CADPS2: variants seen among roughly 807,000 people sequenced by gnomAD.
The protein encoded by CADPS2 is calcium dependent secretion activator 2, also known as calcium-dependent secretion activator 2.
A neutral mutation model predicts 172.5 loss-of-function variants in CADPS2; 93 were observed. That is an observed-to-expected ratio of 0.54 (90% CI 0.46 to 0.64). The LOEUF (loss-of-function observed/expected upper bound fraction) is 0.64, where lower values mean the gene tolerates loss of function less well. Ranked by LOEUF, CADPS2 falls within the 30% of genes least tolerant of loss-of-function variation. CADPS2 has a pLI of 0.00. For synonymous variants in CADPS2, 546 were observed against 555.2 expected (o/e 0.98, Z 0.23); for missense variants, 1,420 against 1,565.9 (o/e 0.91, Z 1.57).
chr7:122,786,597 C>T (rs1794093589), intron 1 of CADPS2, among the ~76,000 whole-genome samples: 1 of 152,130 alleles, frequency 6.6e-6, no homozygotes, highest in Admixed American at 6.5e-5. Context: ...ATATATGGCA[C>T]AACCTTTGTG....
chr7:122,777,726 T>C (rs1480539825), intron 1 of CADPS2, among the ~76,000 whole-genome samples: 1 of 151,966 alleles, frequency 6.6e-6, no homozygotes, highest in African/African-American at 2.4e-5. Context: ...TGCAGCCACC[T>C]TGAGAAGAAG....
At chr7:122,878,957 CG>C (rs1822096725) in intron 1 of CADPS2, among the ~76,000 whole-genome samples, 1 of 152,054 alleles carries the variant, frequency 6.6e-6, no homozygotes. Context: ...GGCTGCAGGC[CG>C]GGCATCTTGA....
At chr7:122,366,634 CACACACACACACATAT>C (rs1366600839) in intron 25 of CADPS2, 4 of 144,628 alleles carry the variant, frequency 2.8e-5, no homozygotes, top group African/African-American at 1.1e-4. Context: ...CACACACACA[CACACACACACACATAT>C]ATATACATAC....
At chr7:122,751,477 T>C (rs534209436) in intron 1 of CADPS2, among the ~76,000 whole-genome samples, 1 of 152,250 alleles carries the variant, frequency 6.6e-6, no homozygotes, top group African/African-American at 2.4e-5. Context: ...TCCAGGACAA[T>C]TCTCCCTCAC....
In CADPS2 at chr7:122,441,525, G is replaced by A; in HGVS notation, c.2339C>T (p.Ser780Leu). Reference sequence around the variant, plus strand: ...GTTCAAACATACCCTTTCAAGTAATGAAAGTGTAGCTTTTAGAGCACCTTC... The same window carrying A: ...GTTCAAACATACCCTTTCAAGTAATAAAAGTGTAGCTTTTAGAGCACCTTC... ...RPEGALKATL[S>L]LLERVLMKDI... The change falls in exon 16 of 30, where the codon TCA (serine) becomes TTA (leucine). Residue 780 changes from serine (S) to leucine (L), a missense_variant. By Grantham distance (145) the Ser-to-Leu change is moderately radical. Transcript: ENST00000449022. 6.5e-7 allele frequency: 1 copy of A among 1,531,132 alleles called. No homozygotes were observed. The highest frequency in any genetic ancestry group is 8.8e-7 in the Non-Finnish European group (1 of 1,139,198). 94.8% of individuals were successfully genotyped at this position (1,531,132 alleles called of 1,614,324 possible).
intron 3 of CADPS2, among the ~76,000 whole-genome samples, chr7:122,640,549 A>G (rs1025938315): frequency 6.6e-6 from 1 of 152,102 alleles, no homozygotes. Flanking sequence ...AAATAAATAA[A>G]AGCCTGAATG....
intron 1 of CADPS2, among the ~76,000 whole-genome samples, chr7:122,885,050 G>A (rs980156639): frequency 1.3e-5 from 2 of 152,200 alleles, no homozygotes; most frequent in Non-Finnish European, 2.9e-5. Context: ...GTCACAAACT[G>A]AGGGAACTGT....
intron 6 of CADPS2, among the ~76,000 whole-genome samples, chr7:122,605,070 G>A (rs1441152452): frequency 6.6e-6 from 1 of 152,100 alleles, no homozygotes; most frequent in Non-Finnish European, 1.5e-5. Context: ...ACAAAGGTAA[G>A]TATGTGTATT....
intron 1 of CADPS2, among the ~76,000 whole-genome samples, chr7:122,885,769 C>A (rs1312966806): frequency 2.0e-5 from 3 of 152,188 alleles, no homozygotes; most frequent in Non-Finnish European, 2.9e-5. Flanking sequence ...GGATGGTGAG[C>A]TGACAGCTCC....
intron 2 of CADPS2, among the ~76,000 whole-genome samples, chr7:122,705,981 A>ATATAATATAATAT (rs1554737505): frequency 4.9e-5 from 3 of 60,934 alleles, no homozygotes; most frequent in African/African-American, 2.3e-4. Flanking sequence ...TATAATATAT[A>ATATAATATAATAT]ATATTATATA....
At chr7:122,486,153 C>T (rs913181395) in intron 11 of CADPS2, among the ~76,000 whole-genome samples, 4 of 151,880 alleles carry the variant, frequency 2.6e-5, no homozygotes, top group Non-Finnish European at 5.9e-5. Flanking sequence ...ATTCTGCAGC[C>T]CACAGATCAA....
intron 6 of CADPS2, among the ~76,000 whole-genome samples, chr7:122,591,171 A>T (rs963960461): frequency 6.6e-6 from 1 of 152,188 alleles, no homozygotes; most frequent in South Asian, 2.1e-4. Flanking sequence ...CAAAAATCAC[A>T]AGCATTCCTA....
intron 22 of CADPS2, among the ~76,000 whole-genome samples, chr7:122,389,426 A>G (rs1160516795): frequency 6.6e-6 from 1 of 152,058 alleles, no homozygotes; most frequent in Non-Finnish European, 1.5e-5. Context: ...TGTGGAGCCA[A>G]GATTTGCTAA....
chr7:122,467,486 A>G (rs2055306216), intron 14 of CADPS2, among the ~76,000 whole-genome samples: 3 of 152,188 alleles, frequency 2.0e-5, no homozygotes. Context: ...ATGCCCATTA[A>G]GGTTACTTAA....
chr7:122,588,761 A>G (rs1325478546), intron 6 of CADPS2, among the ~76,000 whole-genome samples: 2 of 151,866 alleles, frequency 1.3e-5, no homozygotes, highest in East Asian at 1.9e-4. Flanking sequence ...CTGACTTTGG[A>G]TTCACTCAAT....
intron 11 of CADPS2, among the ~76,000 whole-genome samples, chr7:122,486,543 G>A (rs558389635): frequency 6.6e-6 from 1 of 152,300 alleles, no homozygotes; most frequent in Admixed American, 6.5e-5. Context: ...GTTCCTTTGG[G>A]TGAAGCAAAG....
chr7:122,740,916 A>C (rs185407385), intron 1 of CADPS2, among the ~76,000 whole-genome samples: 2 of 152,264 alleles, frequency 1.3e-5, no homozygotes, highest in Non-Finnish European at 1.5e-5. Context: ...AAAAGAATAC[A>C]AATTAAAACT....
At chr7:122,738,901 C>CCATT (rs1385294149) in intron 1 of CADPS2, among the ~76,000 whole-genome samples, 1 of 149,864 alleles carries the variant, frequency 6.7e-6, no homozygotes, top group Non-Finnish European at 1.5e-5. Context: ...AGAAAGAAGA[C>CCATT]CATTCCATCT....
intron 2 of CADPS2, among the ~76,000 whole-genome samples, chr7:122,685,144 A>G (rs977227464): frequency 6.6e-6 from 1 of 152,138 alleles, no homozygotes; most frequent in Non-Finnish European, 1.5e-5. Flanking sequence ...AGCGACCCAA[A>G]GGTATAAATC....
Sources: allele counts gnomAD v4.1 joint callset (sites outside exome capture counted in the v4.1 genomes callset), GRCh38; gene constraint gnomAD v4.1.1; transcripts MANE v1.5; gene names NCBI Gene and HGNC (gene_info 2026-07-23, HGNC 2026-07-21).